The following FOXP2 variants were observed in gnomAD, a reference collection of about 807,000 sequenced individuals.
FOXP2 encodes forkhead box protein P2.
In FOXP2, 12 loss-of-function variants were observed where a neutral mutation model predicts 115.8. The observed-to-expected ratio is 0.10, with a 90% CI of 0.07 to 0.17. FOXP2 has a LOEUF of 0.17. Ranked by LOEUF, FOXP2 falls within the 10% of genes least tolerant of loss-of-function variation. FOXP2 has a pLI of 1.00. For synonymous variants in FOXP2, 328 were observed against 297.7 expected (o/e 1.10, Z -1.05); for missense variants, 629 against 843.5 (o/e 0.75, Z 3.15).
Position 114,658,082 on chromosome 7 carries a change from G to A in FOXP2, c.1283G>A (p.Ser428Asn). The stretch of plus-strand genomic sequence containing the variant: ...CCTTTGCAGCTAAATCTGGTGTCTA[G>A]TGTCACCATGTCGAAGAATATGTTG... ...PSPKPLNLVS[S>N]VTMSKNMLET... The change falls in exon 11 of 17, where the codon AGT (serine) becomes AAT (asparagine). Residue 428 changes from serine to asparagine, a missense_variant. By Grantham distance (46) the Ser-to-Asn change is conservative. This residue lies in a region of FOXP2 where 101 missense variants were observed against 116.0 expected (regional missense o/e 0.87). Coordinates refer to ENST00000350908, the MANE Select transcript of FOXP2 (RefSeq NM_014491.4). The A allele has an allele frequency of 6.2e-7, 1 of 1,613,646 alleles. No individual in the cohort carries two copies. The highest frequency in any genetic ancestry group is 8.5e-7 in the Non-Finnish European group (1 of 1,179,780).
chr7:114,426,970 A>G (rs1436214340), intron 2 of FOXP2, among the ~76,000 whole-genome samples: 1 of 151,642 alleles, frequency 6.6e-6, no homozygotes, highest in East Asian at 1.9e-4. Flanking sequence ...CTTCTAGTTT[A>G]CTATCTTACA....
chr7:114,532,977 G>A (rs1167079821), intron 2 of FOXP2, among the ~76,000 whole-genome samples: 5 of 151,916 alleles, frequency 3.3e-5, no homozygotes, highest in African/African-American at 1.2e-4. Flanking sequence ...AGTGAGCCTT[G>A]TGATAATAAA....
At chr7:114,526,991 ATTTTTTTT>A (rs200748852) in intron 2 of FOXP2, among the ~76,000 whole-genome samples, 1 of 128,846 alleles carries the variant, frequency 7.8e-6, no homozygotes, top group Non-Finnish European at 1.6e-5. Flanking sequence ...CCACTAATCT[ATTTTTTTT>A]TTTTTTTTTG....
chr7:114,223,902 A>G (rs1484958450), intron 1 of FOXP2, among the ~76,000 whole-genome samples: 2 of 151,962 alleles, frequency 1.3e-5, no homozygotes, highest in Non-Finnish European at 1.5e-5. Flanking sequence ...TCTACTTAGG[A>G]AAATATTTTT....
intron 2 of FOXP2, among the ~76,000 whole-genome samples, chr7:114,334,492 AAATTT>A (rs1797792431): frequency 6.6e-6 from 1 of 152,076 alleles, no homozygotes; most frequent in Non-Finnish European, 1.5e-5. Flanking sequence ...ATGGATTTTT[AAATTT>A]AACATAGTTT....
intron 2 of FOXP2, among the ~76,000 whole-genome samples, chr7:114,521,735 G>A (rs562956414): frequency 2.9e-5 from 4 of 138,236 alleles, no homozygotes; most frequent in South Asian, 2.5e-4. Flanking sequence ...TAAAGTCATG[G>A]GTAAAAATAT....
At chr7:114,538,515 A>G (rs745425231) in intron 3 of FOXP2, 3 of 478,852 alleles carry the variant, frequency 6.3e-6, no homozygotes, top group Non-Finnish European at 1.0e-5. Context: ...AATTTTTATA[A>G]TTCTGTCTTA....
chr7:114,486,069 A>C (rs557786219), intron 2 of FOXP2, among the ~76,000 whole-genome samples: 1 of 152,178 alleles, frequency 6.6e-6, no homozygotes, highest in Non-Finnish European at 1.5e-5. Context: ...ACATATTTTG[A>C]ACCATACAAA....
intron 1 of FOXP2, among the ~76,000 whole-genome samples, chr7:114,417,415 T>C (rs1296569162): frequency 6.6e-6 from 1 of 151,988 alleles, no homozygotes; most frequent in African/African-American, 2.4e-5. Flanking sequence ...TATGTACAAG[T>C]CAATTAGCAC....
chr7:114,273,924 C>T (rs545396590), intron 1 of FOXP2, among the ~76,000 whole-genome samples: 1 of 152,026 alleles, frequency 6.6e-6, no homozygotes, highest in East Asian at 1.9e-4. Context: ...GCATTTAGAC[C>T]ATTGATATTC....
chr7:114,138,529 T>A (rs927525023), intron 1 of FOXP2, among the ~76,000 whole-genome samples: 1 of 151,784 alleles, frequency 6.6e-6, no homozygotes, highest in Admixed American at 6.6e-5. Flanking sequence ...GTAGCTGGGA[T>A]TACAGGTGCA....
chr7:114,632,102 A>G (rs1804953959), intron 6 of FOXP2, among the ~76,000 whole-genome samples: 1 of 152,212 alleles, frequency 6.6e-6, no homozygotes, highest in African/African-American at 2.4e-5. Context: ...CTGATAAAAG[A>G]AAGATAAAAG....
intron 1 of FOXP2, among the ~76,000 whole-genome samples, chr7:114,222,851 TC>T (rs2129164121): frequency 6.6e-6 from 1 of 152,284 alleles, no homozygotes; most frequent in Non-Finnish European, 1.5e-5. Flanking sequence ...GATAATGTAA[TC>T]TTTTTGGCCA....
At chr7:114,672,994 T>C (rs1277279447) in intron 16 of FOXP2, among the ~76,000 whole-genome samples, 1 of 152,192 alleles carries the variant, frequency 6.6e-6, no homozygotes, top group East Asian at 1.9e-4. Context: ...GGAGCCAGAA[T>C]GCAAGTTATT....
intron 3 of FOXP2, among the ~76,000 whole-genome samples, chr7:114,576,976 A>G (rs1801607556): frequency 6.6e-6 from 1 of 151,910 alleles, no homozygotes; most frequent in South Asian, 2.1e-4. Flanking sequence ...ACACATATCT[A>G]AGCAATTATA....
At chr7:114,506,102 G>T (rs143077230) in intron 2 of FOXP2, among the ~76,000 whole-genome samples, 49 of 151,716 alleles carry the variant, frequency 3.2e-4, no homozygotes, top group Non-Finnish European at 5.5e-4. Flanking sequence ...CTTGGCAGAT[G>T]CTCAATAAAT....
intron 2 of FOXP2, among the ~76,000 whole-genome samples, chr7:114,395,130 G>C (rs551632326): frequency 1.3e-5 from 2 of 152,144 alleles, no homozygotes. Flanking sequence ...TTGTGACTAT[G>C]ACAGTATTTT....
chr7:114,186,106 C>T (rs1200358569), intron 1 of FOXP2, among the ~76,000 whole-genome samples: 1 of 152,094 alleles, frequency 6.6e-6, no homozygotes, highest in Non-Finnish European at 1.5e-5. Flanking sequence ...AATACTGTTA[C>T]AATGGCAACT....
chr7:114,629,542 A>G (rs1301258747), intron 4 of FOXP2: 1 of 1,447,538 alleles, frequency 6.9e-7, no homozygotes, highest in South Asian at 1.2e-5. Flanking sequence ...TAAAGTATTA[A>G]TTTGGCTCTG....
Sources: allele counts gnomAD v4.1 joint callset (sites outside exome capture counted in the v4.1 genomes callset), GRCh38; gene constraint gnomAD v4.1.1; regional missense constraint gnomAD v4.1.1; transcripts MANE v1.5; gene names NCBI Gene and HGNC (gene_info 2026-07-23, HGNC 2026-07-21).